Variants in AXDND1 observed in about 807,000 individuals in gnomAD.
The protein encoded by AXDND1 is axonemal dynein light chain domain-containing protein 1.
A neutral mutation model predicts 137.5 loss-of-function variants in AXDND1; 110 were observed. The ratio of observed to expected loss-of-function variants is 0.80; its 90% CI spans 0.69 to 0.94. The LOEUF is 0.94. AXDND1 is among the 40% of genes least tolerant of loss of function. AXDND1 has a pLI of 0.00. For missense variants in AXDND1, 1,191 were observed against 1,169.8 expected (o/e 1.02, Z -0.26); for synonymous variants, 414 against 399.7 (o/e 1.04, Z -0.43).
chr1:179,486,100 C>T (rs1233115625), intron 18 of AXDND1, among the ~76,000 whole-genome samples: 3 of 91,424 alleles, frequency 3.3e-5, no homozygotes, highest in African/African-American at 1.2e-4. Flanking sequence ...GCCTGGGCAA[C>T]AGGAGCAAAA....
rs573744446 is a variant in AXDND1 at position 179,446,432 on chromosome 1, A to G, written c.1798+1228A>G. Among the ~76,000 whole-genome samples, 5 of 152,304 alleles carry G rather than the reference A, an allele frequency of 3.3e-5. No individual in the cohort carries two copies. In the South Asian group the frequency reaches 8.3e-4, roughly 25 times the overall value. ...TAACATTCTATATAAGTGGTTCTCA[A>G]ACTTTAGTGTGATTAGGGATTCGGT... is the stretch of plus-strand genomic sequence containing the variant. On this transcript the variant is annotated intron_variant, in intron 16 of 25. Transcript: ENST00000367618.
intron 9 of AXDND1, among the ~76,000 whole-genome samples, chr1:179,388,518 T>C (rs956459755): frequency 3.3e-5 from 5 of 152,226 alleles, no homozygotes; most frequent in Admixed American, 2.0e-4. Context: ...TCTAGGACAT[T>C]ACTGTCTTCT....
At chr1:179,553,821 C>T (rs1206739119) in intron 25 of AXDND1, among the ~76,000 whole-genome samples, 1 of 152,142 alleles carries the variant, frequency 6.6e-6, no homozygotes, top group Non-Finnish European at 1.5e-5. Flanking sequence ...TCTCGACTCA[C>T]TGCAGCCTCC....
intron 20 of AXDND1, among the ~76,000 whole-genome samples, chr1:179,497,864 A>G (rs1667604268): frequency 6.6e-6 from 1 of 152,154 alleles, no homozygotes; most frequent in African/African-American, 2.4e-5. Context: ...ATACACCAAT[A>G]ATGTCCAGGC....
intron 2 of AXDND1, among the ~76,000 whole-genome samples, chr1:179,367,456 A>G (rs1571493481): frequency 6.6e-6 from 1 of 152,186 alleles, no homozygotes; most frequent in East Asian, 1.9e-4. Context: ...TGGAGGTTGC[A>G]GTGAGCCGAG....
At chr1:179,410,843 C>G (rs1049452114) in intron 11 of AXDND1, among the ~76,000 whole-genome samples, 4 of 152,012 alleles carry the variant, frequency 2.6e-5, no homozygotes, top group African/African-American at 7.2e-5. Flanking sequence ...ATTGGAATAT[C>G]ATGTCAGAAT....
chr1:179,474,054 G>T (rs933580241), intron 17 of AXDND1, among the ~76,000 whole-genome samples: 2 of 151,922 alleles, frequency 1.3e-5, no homozygotes, highest in African/African-American at 4.8e-5. Context: ...TGAAACCCCC[G>T]TCTCTACTAA....
rs34915274 is a variant in AXDND1, at chr1:179,494,541, C to CT, written c.2388+1603dup. On this transcript the variant is annotated intron_variant, in intron 20 of 25. Coordinates refer to ENST00000367618, the MANE Select transcript of AXDND1 (RefSeq NM_144696.6). ...TATCTTCTCTCAGTCTGTGATTTGT[C>CT]TTTTTTTTTTTTTCCTAAGATAGTA... 3.3e-3 allele frequency among the ~76,000 whole-genome samples: 471 copies of CT among 141,586 alleles called. 1 individual carries two copies. The highest frequency in any genetic ancestry group is 0.011 in the African/African-American group (431 of 38,782). 92.9% of individuals were successfully genotyped at this position (141,586 alleles called of 152,430 possible).
At chr1:179,477,957 A>G (rs1462872106) in intron 17 of AXDND1, among the ~76,000 whole-genome samples, 1 of 152,130 alleles carries the variant, frequency 6.6e-6, no homozygotes, top group Non-Finnish European at 1.5e-5. Flanking sequence ...CTCCATGCAA[A>G]TTCAAAATCC....
chr1:179,432,263 T>C lies in AXDND1; in HGVS notation c.1488-4T>C. 1 of 1,539,418 alleles carries C rather than the reference T, an allele frequency of 6.5e-7. No individual in the cohort carries two copies. Among genetic ancestry groups the C allele is most frequent in the South Asian group, 1.2e-5 (1 of 81,608 alleles). ...GTTTCTCTTTTTTTTTTTCTTCTTTTCAGTGAAAAAGACATTTTATCCCCT... is the reference window on the plus strand; with the variant it reads ...GTTTCTCTTTTTTTTTTTCTTCTTTCCAGTGAAAAAGACATTTTATCCCCT... On this transcript the variant is annotated splice_region_variant and splice_polypyrimidine_tract_variant and intron_variant, in intron 14 of 25. Coordinates refer to ENST00000367618, the MANE Select transcript of AXDND1 (RefSeq NM_144696.6).
At chr1:179,400,082 A>C (rs572580750) in intron 11 of AXDND1, among the ~76,000 whole-genome samples, 68 of 152,356 alleles carry the variant, frequency 4.5e-4, no homozygotes, top group African/African-American at 1.5e-3. Flanking sequence ...GTATCTACCC[A>C]GAGGAAAAGA....
intron 23 of AXDND1, among the ~76,000 whole-genome samples, chr1:179,532,718 A>G (rs892747799): frequency 2.0e-5 from 3 of 151,774 alleles, no homozygotes; most frequent in African/African-American, 4.8e-5. Flanking sequence ...CCCAATCTCT[A>G]CCTAAAAAAA....
intron 16 of AXDND1, chr1:179,454,779 T>C (rs1435362136): frequency 6.6e-6 from 1 of 152,106 alleles, no homozygotes; most frequent in African/African-American, 2.4e-5. Context: ...GTCAGGAATG[T>C]GGGAGAAAAA....
intron 4 of AXDND1, among the ~76,000 whole-genome samples, chr1:179,372,222 A>G (rs1185119320): frequency 1.3e-5 from 2 of 152,168 alleles, no homozygotes; most frequent in Non-Finnish European, 2.9e-5. Context: ...CTCGAGTAAT[A>G]TTTTTCGACA....
At position 179,410,063 on chromosome 1, in the gene AXDND1, G is replaced by A. The variant is rs964027316; in HGVS notation, c.1110-1083G>A. Among the ~76,000 whole-genome samples the A allele has an allele frequency of 2.6e-5, 4 of 152,000 alleles. No individual in the cohort carries two copies. The East Asian group carries it at 5.8e-4, about 22-fold the overall frequency. On this transcript the variant is annotated intron_variant, in intron 11 of 25. Transcript: ENST00000367618. ...CTTAAGAGTATAGCTCAGTGAATTTGTACATGTGTATTCACCTGTATAAGT... is the reference window on the plus strand; with the variant it reads ...CTTAAGAGTATAGCTCAGTGAATTTATACATGTGTATTCACCTGTATAAGT...
intron 9 of AXDND1, among the ~76,000 whole-genome samples, chr1:179,392,560 C>A (rs898128978): frequency 1.3e-5 from 2 of 152,184 alleles, no homozygotes; most frequent in East Asian, 3.9e-4. Flanking sequence ...TACTGTTTTC[C>A]ATAGTGGTTG....
chr1:179,528,209 A>G, intron 22 of AXDND1, 118 bp from the exon 23 acceptor site: 1 of 673,508 alleles, frequency 1.5e-6, no homozygotes, highest in Non-Finnish European at 2.6e-6. Flanking sequence ...TTGTGTGATT[A>G]AAGGAAATGG....
intron 4 of AXDND1, among the ~76,000 whole-genome samples, chr1:179,370,746 A>G (rs1271208608): frequency 6.6e-6 from 1 of 152,186 alleles, no homozygotes; most frequent in African/African-American, 2.4e-5. Context: ...TACTGAAACA[A>G]ATGTTTACAC....
At position 179,411,151 on chromosome 1, in the gene AXDND1, T is replaced by C. The variant is rs763799154; in HGVS notation, c.1115T>C (p.Val372Ala). Residue 372 changes from valine (V) to alanine (A), a missense_variant, in exon 12 of 26, where the codon GTA becomes GCA. Transcript: ENST00000367618. ...LLNAEKNAKI[V>A]EEYHDLYTLQ... is the part of the protein sequence containing the mutation. ...TTTCTTAATTGTTTTTATAGAATAG[T>C]AGAAGAATATCATGACTTATATACA... 3 of 1,569,326 alleles carry C rather than the reference T, an allele frequency of 1.9e-6. No individual in the cohort carries two copies. The highest frequency in any genetic ancestry group is 1.7e-4 in the Middle Eastern group (1 of 5,882).
Sources: gnomAD v4.1 joint callset for allele counts (sites outside exome capture counted in the v4.1 genomes callset) on GRCh38, gnomAD v4.1.1 for gene constraint, MANE v1.5 for transcripts, NCBI Gene and HGNC (gene_info 2026-07-23, HGNC 2026-07-21) for gene names.